RIT2: variants seen among roughly 807,000 people sequenced by gnomAD.
The protein encoded by RIT2 is Ras like without CAAX 2, also known as GTP-binding protein Rit2.
Under a neutral mutation model 23.7 loss-of-function variants are expected in RIT2, and 24 were observed. That is an observed-to-expected ratio of 1.01 (90% CI 0.73 to 1.43). The LOEUF is 1.43. RIT2 is among the 40% of genes most tolerant of loss of function. The pLI, the probability that RIT2 is intolerant of heterozygous loss-of-function variation, is 0.00. For synonymous variants in RIT2, 107 were observed against 91.1 expected, an observed-to-expected ratio of 1.17 and a Z score of -0.99; for missense variants, 236 against 266.9, an observed-to-expected ratio of 0.88 and a Z score of 0.81.
intron 4 of RIT2, among the ~76,000 whole-genome samples, chr18:42,750,756 G>A (rs565760212): frequency 6.6e-6 from 1 of 151,734 alleles, no homozygotes; most frequent in East Asian, 1.9e-4. Context: ...TTAGTTTTTG[G>A]TTCGAAGGTT....
chr18:42,969,391 G>T (rs1910310111), intron 3 of RIT2, among the ~76,000 whole-genome samples: 1 of 152,148 alleles, frequency 6.6e-6, no homozygotes, highest in Non-Finnish European at 1.5e-5. Flanking sequence ...TAAGCTTTCA[G>T]AGAAGAATTA....
chr18:42,987,877 G>T (rs1397838948), intron 2 of RIT2, among the ~76,000 whole-genome samples: 3 of 152,088 alleles, frequency 2.0e-5, no homozygotes, highest in Non-Finnish European at 4.4e-5. Flanking sequence ...AAAGAGGGCA[G>T]GCTCTTTTCA....
intron 3 of RIT2, among the ~76,000 whole-genome samples, chr18:42,936,978 C>T (rs1054565724): frequency 2.6e-5 from 4 of 151,156 alleles, no homozygotes; most frequent in Admixed American, 1.3e-4. Context: ...TGCCATTACA[C>T]TCCAGCCTGG....
intron 2 of RIT2, among the ~76,000 whole-genome samples, chr18:42,988,476 G>C (rs1265253544): frequency 6.6e-6 from 1 of 152,090 alleles, no homozygotes; most frequent in African/African-American, 2.4e-5. Context: ...GTGAGTATTG[G>C]TTTTGGGGAT....
rs561701454 is a variant in RIT2 at position 43,029,176 on chromosome 18, G to A, written c.160+4635C>T. Among the ~76,000 whole-genome samples, 20 of 151,974 alleles carry A rather than the reference G, an allele frequency of 1.3e-4. No homozygotes were observed. The East Asian group carries it at 1.9e-3, about 15-fold the overall frequency. ...TGTAGAACTTGTTACAGTCCTTATC[G>A]ATTGCTTAGAAAGAATATAAATCTT... is the stretch of plus-strand genomic sequence containing the variant. On this transcript the variant is annotated intron_variant, in intron 2 of 4. Transcript: ENST00000326695.
intron 4 of RIT2, among the ~76,000 whole-genome samples, chr18:42,785,221 T>C (rs1805135370): frequency 6.6e-6 from 1 of 152,130 alleles, no homozygotes; most frequent in Non-Finnish European, 1.5e-5. Context: ...AAAGATGCTA[T>C]CTATGGACAT....
At chr18:42,892,304 T>C (rs1212068223) in intron 4 of RIT2, among the ~76,000 whole-genome samples, 1 of 152,226 alleles carries the variant, frequency 6.6e-6, no homozygotes, top group Non-Finnish European at 1.5e-5. Context: ...TGAATGTCTT[T>C]TCTTTAAAAT....
chr18:42,862,789 C>A (rs556841324), intron 4 of RIT2, among the ~76,000 whole-genome samples: 47 of 152,290 alleles, frequency 3.1e-4, no homozygotes, highest in Middle Eastern at 3.4e-3. Flanking sequence ...GTTTCAGCCT[C>A]CTGAGGAAGT....
At chr18:42,851,029 T>C (rs1477772533) in intron 4 of RIT2, among the ~76,000 whole-genome samples, 1 of 152,208 alleles carries the variant, frequency 6.6e-6, no homozygotes, top group Admixed American at 6.5e-5. Flanking sequence ...TAAGAGGTGC[T>C]CATGAGTGAG....
At chr18:42,877,742 G>C (rs568968221) in intron 4 of RIT2, among the ~76,000 whole-genome samples, 1 of 151,350 alleles carries the variant, frequency 6.6e-6, no homozygotes, top group Non-Finnish European at 1.5e-5. Flanking sequence ...TTTAACACCC[G>C]ACCTTATCTG....
intron 4 of RIT2, among the ~76,000 whole-genome samples, chr18:42,896,177 T>A (rs531712226): frequency 6.6e-6 from 1 of 152,150 alleles, no homozygotes; most frequent in Non-Finnish European, 1.5e-5. Context: ...GGCAAGAGAA[T>A]CATTTGTACC....
intron 4 of RIT2, among the ~76,000 whole-genome samples, chr18:42,793,187 T>C (rs966990419): frequency 2.6e-5 from 4 of 152,214 alleles, no homozygotes; most frequent in Non-Finnish European, 4.4e-5. Flanking sequence ...TAAATGTGCA[T>C]AATATGGGAG....
rs148111640 is a variant in RIT2, at chr18:43,073,500, T to C, written c.104-39633A>G. Among the ~76,000 whole-genome samples, 1,218 of 152,324 alleles carry C rather than the reference T, an allele frequency of 8.0e-3. 9 individuals carry two copies. Among genetic ancestry groups the C allele is most frequent in the Middle Eastern group, 0.02 (6 of 294 alleles). On this transcript the variant is annotated intron_variant, in intron 1 of 4. Transcript: ENST00000326695. ...CTAGCTCCAAACATATATTTACATG[T>C]AAATTATTACTGATCTCCACTATGC...
intron 4 of RIT2, among the ~76,000 whole-genome samples, chr18:42,747,096 A>C (rs1289875836): frequency 6.6e-6 from 1 of 152,090 alleles, no homozygotes; most frequent in East Asian, 1.9e-4. Flanking sequence ...CAAACTGGTG[A>C]AGAGGAAGTA....
intron 4 of RIT2, among the ~76,000 whole-genome samples, chr18:42,770,243 T>C (rs948685803): frequency 2.0e-5 from 3 of 152,158 alleles, no homozygotes; most frequent in African/African-American, 7.2e-5. Flanking sequence ...CCAGTGTCAA[T>C]GCCAAAGACC....
chr18:42,815,617 T>A (rs1051326898), intron 4 of RIT2, among the ~76,000 whole-genome samples: 1 of 152,146 alleles, frequency 6.6e-6, no homozygotes, highest in African/African-American at 2.4e-5. Flanking sequence ...AATTGACATG[T>A]TCAAAGAGTG....
At position 42,978,447 on chromosome 18, in the gene RIT2, C is replaced by T. The variant is rs578173424; in HGVS notation, c.161-4300G>A. 3.9e-5 allele frequency among the ~76,000 whole-genome samples: 6 copies of T among 152,120 alleles called. 1 individual carries two copies. In the East Asian group the frequency reaches 9.7e-4, roughly 25 times the overall value. ...CAATCTTTCTGTTTCCATTCATTCA[C>T]TCCCTTTGAGACCACCCATGCAGAA... On this transcript the variant is annotated intron_variant, in intron 2 of 4. Transcript: ENST00000326695.
intron 4 of RIT2, among the ~76,000 whole-genome samples, chr18:42,777,047 T>A (rs1913688453): frequency 6.6e-6 from 1 of 152,130 alleles, no homozygotes; most frequent in East Asian, 1.9e-4. Context: ...TTGAACATAT[T>A]GTTCCCAGAT....
At chr18:42,768,058 T>C (rs1913467917) in intron 4 of RIT2, among the ~76,000 whole-genome samples, 1 of 151,910 alleles carries the variant, frequency 6.6e-6, no homozygotes, top group Non-Finnish European at 1.5e-5. Context: ...ATATATGTAG[T>C]AATATATGCA....
Sources: gnomAD v4.1 joint callset for allele counts (sites outside exome capture counted in the v4.1 genomes callset) on GRCh38, gnomAD v4.1.1 for gene constraint, MANE v1.5 for transcripts, NCBI Gene and HGNC (gene_info 2026-07-23, HGNC 2026-07-21) for gene names.